AP3B1: variants seen among roughly 807,000 people sequenced by gnomAD.
AP3B1 encodes adaptor related protein complex 3 subunit beta 1.
AP3B1 carries 61 observed loss-of-function variants against 132.5 expected under a neutral mutation model. The ratio of observed to expected loss-of-function variants is 0.46; its 90% CI spans 0.37 to 0.57. AP3B1 has a LOEUF of 0.57. Ranked by LOEUF, AP3B1 falls within the 20% of genes least tolerant of loss-of-function variation. The probability of loss-of-function intolerance (pLI) is 0.00; values close to 1 mark genes in which losing one functional copy is unlikely to be tolerated. For synonymous variants in AP3B1, 388 were observed against 438.3 expected (o/e 0.89, Z 1.43); for missense variants, 1,120 against 1,289.4 (o/e 0.87, Z 2.01).
At chr5:78,282,063 G>C (rs910087027) in intron 1 of AP3B1, among the ~76,000 whole-genome samples, 1 of 151,912 alleles carries the variant, frequency 6.6e-6, no homozygotes, top group Non-Finnish European at 1.5e-5. Context: ...AAAGTTCTTC[G>C]GAGAAGTGAT....
At chr5:78,105,328 G>GT (rs1350401599) in intron 20 of AP3B1, among the ~76,000 whole-genome samples, 1 of 151,888 alleles carries the variant, frequency 6.6e-6, no homozygotes, top group African/African-American at 2.4e-5. Context: ...CTGGGTAGTT[G>GT]TAAGAACACT....
chr5:78,104,634 C>G (rs933870639), intron 20 of AP3B1, among the ~76,000 whole-genome samples: 1 of 152,038 alleles, frequency 6.6e-6, no homozygotes, highest in African/African-American at 2.4e-5. Flanking sequence ...TAAAACCAAT[C>G]AAAAAATTGT....
chr5:78,173,416 G>C (rs1280489718), intron 11 of AP3B1, among the ~76,000 whole-genome samples: 1 of 152,026 alleles, frequency 6.6e-6, no homozygotes, highest in Non-Finnish European at 1.5e-5. Context: ...GTCTCTAAGG[G>C]CTTGCTTTAT....
chr5:78,018,702 C>CACACACACA (rs1554057856), intron 25 of AP3B1, among the ~76,000 whole-genome samples: 5 of 140,470 alleles, frequency 3.6e-5, no homozygotes, highest in African/African-American at 1.5e-4. Context: ...ACACACACAC[C>CACACACACA]CCTTAAATTT....
Position 78,097,546 on chromosome 5 carries a change from C to T in AP3B1, c.2470+3407G>A, listed in dbSNP as rs566508512. ...CCCCCGCCCGGCCAGCCGCCCCGTC[C>T]GGGAGGGAGGTAGGGGGTCAGCCCC... On this transcript the variant is annotated intron_variant, in intron 21 of 26. Coordinates refer to ENST00000255194, the MANE Select transcript of AP3B1 (RefSeq NM_003664.5). Among the ~76,000 whole-genome samples the T allele has an allele frequency of 2.6e-5, 3 of 114,650 alleles. 1 individual carries two copies. Among genetic ancestry groups the T allele is most frequent in the South Asian group, 2.8e-4 (1 of 3,612 alleles). The allele number at this position is 114,650 out of a possible 152,430, so 75.2% of individuals were successfully genotyped here. A position where few individuals can be genotyped will look rare whatever the true frequency, so the allele number is the denominator to read the frequency against.
At chr5:78,123,018 A>C (rs1752293829) in intron 17 of AP3B1, among the ~76,000 whole-genome samples, 1 of 152,236 alleles carries the variant, frequency 6.6e-6, no homozygotes, top group South Asian at 2.1e-4. Flanking sequence ...AATGGAACAG[A>C]ACAGAGCCCT....
intron 17 of AP3B1, among the ~76,000 whole-genome samples, chr5:78,119,921 C>T (rs252771): frequency 0.3 from 45,956 of 151,960 alleles, 7,429 homozygotes; most frequent in Admixed American, 0.41. Context: ...AAGGAAAAAA[C>T]GTTAAGGGCA....
chr5:78,268,872 G>A (rs866159064), intron 1 of AP3B1, among the ~76,000 whole-genome samples: 28 of 152,256 alleles, frequency 1.8e-4, no homozygotes, highest in Middle Eastern at 3.4e-3. Context: ...CCTAGGCACT[G>A]TTTCAACCTG....
chr5:78,122,415 T>C (rs1177999473), intron 17 of AP3B1, among the ~76,000 whole-genome samples: 1 of 152,216 alleles, frequency 6.6e-6, no homozygotes, highest in Non-Finnish European at 1.5e-5. Flanking sequence ...TTGTCCCTGT[T>C]TGCACATGAC....
rs193158429 is a variant in AP3B1, at chr5:78,256,402, A to T, written c.204+11118T>A. Among the ~76,000 whole-genome samples, 57 of 152,284 alleles carry T rather than the reference A, an allele frequency of 3.7e-4. No individual in the cohort carries two copies. The East Asian group carries it at 0.01, about 28-fold the overall frequency. ...ACTATGAGCACCCATATATGCCAAT[A>T]AATTGGAAAATCTAGAAGAAATGGA... On this transcript the variant is annotated intron_variant, in intron 2 of 26. Transcript: ENST00000255194.
At chr5:78,216,317 C>T in intron 6 of AP3B1, 80 bp from the exon 7 acceptor site, 2 of 1,287,194 alleles carry the variant, frequency 1.6e-6, no homozygotes, top group Non-Finnish European at 2.2e-6. Context: ...TTATAGTAAT[C>T]AGTTTCATGC....
intron 22 of AP3B1, chr5:78,087,672 G>A: frequency 1.0e-6 from 1 of 985,252 alleles, no homozygotes; most frequent in Non-Finnish European, 1.2e-6. Context: ...TCTTTCCTTT[G>A]AAGAGACCAT....
At position 78,156,288 on chromosome 5, in the gene AP3B1, T is replaced by A; in HGVS notation, c.1443A>T (p.Lys481Asn). ...MQPAQHGEIIKHMAKLLDSIT... is the reference protein window; with the variant it reads ...MQPAQHGEIINHMAKLLDSIT... The stretch of plus-strand genomic sequence containing the variant: ...TACTGTCCAGGAGTTTGGCCATATG[T>A]TTAATAATTTCACCATGTTGTGCAG... Residue 481 changes from lysine (K) to asparagine (N), a missense_variant, in exon 14 of 27, where the codon AAA becomes AAT. This residue lies in a region of AP3B1 where 906 missense variants were observed against 997.1 expected (regional missense o/e 0.91). Coordinates refer to ENST00000255194, the MANE Select transcript of AP3B1 (RefSeq NM_003664.5). 1 of 1,613,640 alleles carries A rather than the reference T, an allele frequency of 6.2e-7. No homozygotes were observed.
At chr5:78,281,391 G>GCCA in intron 1 of AP3B1, among the ~76,000 whole-genome samples, 1 of 136,914 alleles carries the variant, frequency 7.3e-6, no homozygotes, top group South Asian at 2.3e-4. Flanking sequence ...CCAAGATCGT[G>GCCA]CCACTGCACT....
intron 1 of AP3B1, among the ~76,000 whole-genome samples, chr5:78,282,283 A>G (rs1441257247): frequency 6.6e-6 from 1 of 152,120 alleles, no homozygotes; most frequent in Admixed American, 6.6e-5. Context: ...AGCAAAACAT[A>G]CATAAGCCTG....
intron 7 of AP3B1, among the ~76,000 whole-genome samples, chr5:78,197,870 A>T (rs1174364000): frequency 2.6e-5 from 4 of 152,236 alleles, no homozygotes; most frequent in African/African-American, 9.6e-5. Flanking sequence ...AAACAACTTC[A>T]GCTTAAGAAA....
intron 2 of AP3B1, among the ~76,000 whole-genome samples, chr5:78,258,407 G>C (rs1172023440): frequency 2.6e-5 from 4 of 152,162 alleles, no homozygotes; most frequent in African/African-American, 9.7e-5. Context: ...AAGAAGACAT[G>C]CAATTGGCAA....
chr5:78,276,298 A>C (rs1250887763), intron 1 of AP3B1, among the ~76,000 whole-genome samples: 2 of 151,556 alleles, frequency 1.3e-5, no homozygotes, highest in Non-Finnish European at 2.9e-5. Context: ...GAACTTTTGA[A>C]CTCAAGCAAT....
chr5:78,211,887 T>TAAA (rs1337611528), intron 7 of AP3B1, among the ~76,000 whole-genome samples: 1 of 152,262 alleles, frequency 6.6e-6, no homozygotes, highest in Admixed American at 6.5e-5. Flanking sequence ...ATAATTAATA[T>TAAA]TGTCTTAAGT....
Sources: gnomAD v4.1 joint callset for allele counts (sites outside exome capture counted in the v4.1 genomes callset) on GRCh38, gnomAD v4.1.1 for gene constraint, gnomAD v4.1.1 regional missense constraint, MANE v1.5 for transcripts, NCBI Gene and HGNC (gene_info 2026-07-23, HGNC 2026-07-21) for gene names.